Variants in RABGAP1L observed in about 807,000 individuals in gnomAD.
The protein encoded by RABGAP1L is RAB GTPase activating protein 1 like, also known as rab GTPase-activating protein 1-like.
In RABGAP1L, 63 loss-of-function variants were observed where a neutral mutation model predicts 137.7. The ratio of observed to expected loss-of-function variants is 0.46; its 90% CI spans 0.37 to 0.56. The LOEUF is 0.56. RABGAP1L is among the 20% of genes least tolerant of loss of function. The probability of loss-of-function intolerance (pLI) is 0.00; values close to 1 mark genes in which losing one functional copy is unlikely to be tolerated. For synonymous variants in RABGAP1L, 431 were observed against 433.7 expected (o/e 0.99, Z 0.08); for missense variants, 1,095 against 1,244.0 (o/e 0.88, Z 1.80).
chr1:174,894,405 A>G (rs1656785424), intron 19 of RABGAP1L, among the ~76,000 whole-genome samples: 1 of 152,164 alleles, frequency 6.6e-6, no homozygotes, highest in African/African-American at 2.4e-5. Flanking sequence ...ATTGACTTGA[A>G]CTCTTCAAAG....
At chr1:174,315,384 C>T (rs1414669539) in intron 11 of RABGAP1L, among the ~76,000 whole-genome samples, 1 of 152,024 alleles carries the variant, frequency 6.6e-6, no homozygotes, top group East Asian at 1.9e-4. Flanking sequence ...CTATATGTGT[C>T]CGTGTAGGTG....
chr1:174,943,594 G>C (rs906924452), intron 19 of RABGAP1L, among the ~76,000 whole-genome samples: 1 of 152,190 alleles, frequency 6.6e-6, no homozygotes, highest in Non-Finnish European at 1.5e-5. Flanking sequence ...CCAGCACTTT[G>C]GGAGGCTGAG....
Position 174,400,317 on chromosome 1 carries a change from G to A in RABGAP1L, c.1710+6172G>A, listed in dbSNP as rs144700424. Among the ~76,000 whole-genome samples, 102 of 152,202 alleles carry A rather than the reference G, an allele frequency of 6.7e-4. 1 individual carries two copies. Among genetic ancestry groups the A allele is most frequent in the African/African-American group, 2.2e-3 (93 of 41,534 alleles). ...GTCAGCAGCCATTGCTTGCTTCAGA[G>A]GAGGGGGCTATCACAGTGTGCTTGC... is the stretch of plus-strand genomic sequence containing the variant. On this transcript the variant is annotated intron_variant, in intron 13 of 25. Coordinates refer to ENST00000681986, the MANE Select transcript of RABGAP1L (RefSeq NM_001366446.1).
intron 19 of RABGAP1L, among the ~76,000 whole-genome samples, chr1:174,884,144 T>C (rs1040317979): frequency 6.6e-6 from 1 of 152,212 alleles, no homozygotes; most frequent in African/African-American, 2.4e-5. Flanking sequence ...AACACATGGC[T>C]ATACTATATT....
At chr1:174,586,330 A>C (rs1371555363) in intron 13 of RABGAP1L, among the ~76,000 whole-genome samples, 1 of 151,246 alleles carries the variant, frequency 6.6e-6, no homozygotes, top group Non-Finnish European at 1.5e-5. Context: ...TGTAAGTAGG[A>C]GCTGAACAAT....
In RABGAP1L at chr1:174,761,431, C is replaced by T. The variant is rs939631897; in HGVS notation, c.2211+9077C>T. On this transcript the variant is annotated intron_variant, in intron 18 of 25. Coordinates refer to ENST00000681986, the MANE Select transcript of RABGAP1L (RefSeq NM_001366446.1). This position sits in a 1 kb window ranked among gnomAD's most constrained non-coding sequence, Gnocchi z 4.0. ...GGTGGCACGGCCAGGCAGAGGCGCT[C>T]CTCAGTTTTCAGACGGTGCAGCCGC... 6.6e-6 allele frequency among the ~76,000 whole-genome samples: 1 copy of T among 151,838 alleles called. No individual in the cohort carries two copies. The highest frequency in any genetic ancestry group is 6.6e-5 in the Admixed American group (1 of 15,236).
intron 19 of RABGAP1L, among the ~76,000 whole-genome samples, chr1:174,856,360 A>G (rs139731889): frequency 0.12 from 17,593 of 150,652 alleles, 1,344 homozygotes; most frequent in South Asian, 0.17. Context: ...GTGCCACTGC[A>G]CTCCAGCCTG....
chr1:174,570,825 T>A (rs1394975234), intron 13 of RABGAP1L, among the ~76,000 whole-genome samples: 1 of 152,136 alleles, frequency 6.6e-6, no homozygotes, highest in Non-Finnish European at 1.5e-5. Flanking sequence ...TGTTGGTGTA[T>A]AAAATTAGTA....
chr1:174,674,437 A>T (rs1572761408), intron 14 of RABGAP1L, among the ~76,000 whole-genome samples: 2 of 149,634 alleles, frequency 1.3e-5, no homozygotes, highest in Non-Finnish European at 3.0e-5. Context: ...TTATGGCTGC[A>T]TAGTATTCCA....
chr1:174,890,464 T>A (rs1655942018), intron 19 of RABGAP1L, among the ~76,000 whole-genome samples: 1 of 152,210 alleles, frequency 6.6e-6, no homozygotes, highest in Non-Finnish European at 1.5e-5. Context: ...AAAGGAATGG[T>A]GGAGATAATT....
intron 3 of RABGAP1L, among the ~76,000 whole-genome samples, chr1:174,222,547 A>G (rs1452773577): frequency 6.6e-6 from 1 of 152,248 alleles, no homozygotes; most frequent in African/African-American, 2.4e-5. Flanking sequence ...TTAAAATTTT[A>G]CATGTATATG....
At chr1:174,607,098 C>T (rs1670848974) in intron 13 of RABGAP1L, among the ~76,000 whole-genome samples, 1 of 152,030 alleles carries the variant, frequency 6.6e-6, no homozygotes, top group African/African-American at 2.4e-5. Context: ...TAATTAAGGA[C>T]TAATTTTTAA....
At chr1:174,327,094 T>C (rs771064926) in intron 11 of RABGAP1L, among the ~76,000 whole-genome samples, 14 of 152,102 alleles carry the variant, frequency 9.2e-5, no homozygotes, top group Non-Finnish European at 1.5e-4. Flanking sequence ...AAAAGGATGC[T>C]ACTGGGTAAC....
At chr1:174,535,216 A>C (rs1018322205) in intron 13 of RABGAP1L, among the ~76,000 whole-genome samples, 1 of 152,206 alleles carries the variant, frequency 6.6e-6, no homozygotes, top group African/African-American at 2.4e-5. Context: ...AACTGTGGGA[A>C]ATAAAAAATA....
rs1258263560 is a variant in RABGAP1L, at chr1:174,708,670, G to A, written c.2169+6414G>A. Among the ~76,000 whole-genome samples the A allele has an allele frequency of 2.6e-5, 4 of 152,188 alleles. No homozygotes were observed. In the East Asian group the frequency reaches 5.8e-4, roughly 22 times the overall value. ...CCTACAGACCAGGAGATTCCCTCGG[G>A]TGCCTGCACCACCAGGGCCCTGAGT... On this transcript the variant is annotated intron_variant, in intron 17 of 25. Transcript: ENST00000681986.
At chr1:174,620,773 A>G (rs1038865664) in intron 13 of RABGAP1L, among the ~76,000 whole-genome samples, 3 of 152,120 alleles carry the variant, frequency 2.0e-5, no homozygotes, top group East Asian at 1.9e-4. Context: ...AAGGCAAAAT[A>G]TAACTAAGAT....
intron 1 of RABGAP1L, among the ~76,000 whole-genome samples, chr1:174,195,921 C>T (rs538393309): frequency 6.8e-6 from 1 of 146,558 alleles, no homozygotes; most frequent in East Asian, 2.0e-4. Context: ...CTGCAACTTC[C>T]ACCTCCTGGG....
At chr1:174,641,839 A>G (rs1172414358) in intron 14 of RABGAP1L, among the ~76,000 whole-genome samples, 1 of 152,122 alleles carries the variant, frequency 6.6e-6, no homozygotes, top group South Asian at 2.1e-4. Context: ...TTCCTGACAT[A>G]TAACACATAA....
intron 17 of RABGAP1L, among the ~76,000 whole-genome samples, chr1:174,721,038 A>C (rs112870495): frequency 4.6e-5 from 7 of 152,222 alleles, no homozygotes; most frequent in African/African-American, 1.7e-4. Flanking sequence ...GAAATCTACA[A>C]GTTTAACAAA....
Sources: allele counts gnomAD v4.1 joint callset (sites outside exome capture counted in the v4.1 genomes callset), GRCh38; gene constraint gnomAD v4.1.1; non-coding constraint Gnocchi (gnomAD v3.1); transcripts MANE v1.5; gene names NCBI Gene and HGNC (gene_info 2026-07-23, HGNC 2026-07-21).